Variants in SIPA1L2 observed in about 807,000 individuals in gnomAD.
The protein encoded by SIPA1L2 is signal-induced proliferation-associated 1-like protein 2.
Under a neutral mutation model 163.9 loss-of-function variants are expected in SIPA1L2, and 56 were observed. The observed-to-expected ratio is 0.34, with a 90% CI of 0.28 to 0.43. The LOEUF is 0.43. SIPA1L2 is among the 20% of genes least tolerant of loss of function. The pLI, the probability that SIPA1L2 is intolerant of heterozygous loss-of-function variation, is 1.00. For synonymous variants in SIPA1L2, 877 were observed against 865.7 expected (o/e 1.01, Z -0.23); for missense variants, 1,974 against 2,193.5 (o/e 0.90, Z 2.00).
chr1:232,567,318 A>T (rs1043749502), intron 2 of SIPA1L2, among the ~76,000 whole-genome samples: 2 of 152,266 alleles, frequency 1.3e-5, no homozygotes, highest in African/African-American at 2.4e-5. Flanking sequence ...AAATGGCCTG[A>T]AAATACACTG....
At chr1:232,624,051 G>C (rs1463388012) in intron 1 of SIPA1L2, among the ~76,000 whole-genome samples, 3 of 151,802 alleles carry the variant, frequency 2.0e-5, no homozygotes, top group Non-Finnish European at 2.9e-5. Flanking sequence ...TAATATCTTA[G>C]CACAGTAAAG....
intron 2 of SIPA1L2, among the ~76,000 whole-genome samples, chr1:232,538,727 T>A (rs1477590916): frequency 1.3e-5 from 2 of 149,476 alleles, no homozygotes; most frequent in Non-Finnish European, 3.0e-5. Context: ...TATACACACA[T>A]AACTGAGAAG....
At chr1:232,471,915 A>G (rs1356065100) in intron 7 of SIPA1L2, among the ~76,000 whole-genome samples, 1 of 152,210 alleles carries the variant, frequency 6.6e-6, no homozygotes, top group African/African-American at 2.4e-5. Flanking sequence ...AAAGTCCTAC[A>G]CTATCACACC....
At chr1:232,624,141 T>A (rs1349425732) in intron 1 of SIPA1L2, among the ~76,000 whole-genome samples, 1 of 152,238 alleles carries the variant, frequency 6.6e-6, no homozygotes, top group East Asian at 1.9e-4. Context: ...TGTATACGCA[T>A]ACATACATGA....
At chr1:232,484,295 C>T (rs771466146) in intron 5 of SIPA1L2, among the ~76,000 whole-genome samples, 5 of 152,164 alleles carry the variant, frequency 3.3e-5, no homozygotes, top group Non-Finnish European at 5.9e-5. Context: ...GGAAATACTT[C>T]ATCTTACACA....
chr1:232,508,767 C>T (rs1666847433), intron 3 of SIPA1L2, among the ~76,000 whole-genome samples: 1 of 152,238 alleles, frequency 6.6e-6, no homozygotes, highest in Admixed American at 6.5e-5. Flanking sequence ...TGGGCATTCA[C>T]TCTACTTGCT....
At chr1:232,581,916 T>G (rs985133233) in intron 1 of SIPA1L2, among the ~76,000 whole-genome samples, 28 of 152,198 alleles carry the variant, frequency 1.8e-4, no homozygotes, top group African/African-American at 6.8e-4. Flanking sequence ...ACTTCCTAGA[T>G]AGAAAAGTGT....
intron 9 of SIPA1L2, among the ~76,000 whole-genome samples, chr1:232,461,575 G>A (rs1008838084): frequency 2.0e-5 from 3 of 152,114 alleles, no homozygotes; most frequent in African/African-American, 7.2e-5. Context: ...GTTCTAGATG[G>A]ATTTTTGCAA....
intron 19 of SIPA1L2, among the ~76,000 whole-genome samples, chr1:232,406,743 A>C (rs1214023904): frequency 6.6e-6 from 1 of 152,040 alleles, no homozygotes. Flanking sequence ...GAATGGTCTG[A>C]TCAACGCGTC....
At chr1:232,498,714 G>A (rs184452727) in intron 3 of SIPA1L2, among the ~76,000 whole-genome samples, 2 of 152,274 alleles carry the variant, frequency 1.3e-5, no homozygotes, top group Admixed American at 6.5e-5. Flanking sequence ...TTTCTCTTCT[G>A]TAGTCAAATT....
chr1:232,485,925 C>T (rs904253055), intron 5 of SIPA1L2, among the ~76,000 whole-genome samples: 2 of 152,180 alleles, frequency 1.3e-5, no homozygotes, highest in Non-Finnish European at 2.9e-5. Flanking sequence ...CACCATCATC[C>T]TCATCCTCGG....
chr1:232,525,083 C>T (rs1010530112), intron 2 of SIPA1L2, among the ~76,000 whole-genome samples: 1 of 151,754 alleles, frequency 6.6e-6, no homozygotes, highest in African/African-American at 2.4e-5. Flanking sequence ...TTTAAAGTCC[C>T]ACACTAAGAT....
intron 2 of SIPA1L2, among the ~76,000 whole-genome samples, chr1:232,537,428 A>G (rs927405669): frequency 6.6e-6 from 1 of 152,180 alleles, no homozygotes; most frequent in African/African-American, 2.4e-5. Context: ...TAAGAAGAAC[A>G]ATAGTAGCAA....
intron 2 of SIPA1L2, among the ~76,000 whole-genome samples, chr1:232,520,628 G>GA (rs1340885992): frequency 1.3e-5 from 2 of 151,994 alleles, no homozygotes; most frequent in South Asian, 4.2e-4. Context: ...CCATTCAAGG[G>GA]AAAAAATGGT....
At chr1:232,406,210 G>C (rs185392460) in intron 19 of SIPA1L2, among the ~76,000 whole-genome samples, 10 of 152,244 alleles carry the variant, frequency 6.6e-5, no homozygotes, top group Admixed American at 4.6e-4. Context: ...TACTGAGATA[G>C]AATCAAATGG....
intron 1 of SIPA1L2, among the ~76,000 whole-genome samples, chr1:232,615,773 G>C (rs2102880998): frequency 6.6e-6 from 1 of 152,202 alleles, no homozygotes; most frequent in South Asian, 2.1e-4. Flanking sequence ...CCAATGAGGG[G>C]GGGCAGGGAG....
intron 7 of SIPA1L2, 131 bp downstream of exon 7, chr1:232,479,496 A>G (rs1665214533): frequency 1.4e-6 from 1 of 714,756 alleles, no homozygotes; most frequent in South Asian, 1.8e-5. Flanking sequence ...TCAAAGAGTC[A>G]AAGATGATTA....
chr1:232,537,368 A>G (rs1657372005), intron 2 of SIPA1L2, among the ~76,000 whole-genome samples: 1 of 152,240 alleles, frequency 6.6e-6, no homozygotes. Flanking sequence ...TCCTATGTAC[A>G]TAAGTATGCA....
chr1:232,399,377 T>G, intron 22 of SIPA1L2, 104 bp from the exon 23 acceptor site: 1 of 1,289,244 alleles, frequency 7.8e-7, no homozygotes, highest in Admixed American at 2.4e-5. Flanking sequence ...ACTTATGTAC[T>G]TTTTGAGGGG....
Sources: gnomAD v4.1 joint callset for allele counts (sites outside exome capture counted in the v4.1 genomes callset) on GRCh38, gnomAD v4.1.1 for gene constraint, MANE v1.5 for transcripts, NCBI Gene and HGNC (gene_info 2026-07-23, HGNC 2026-07-21) for gene names.